The following GTF3C1 variants were observed in gnomAD, a reference collection of about 807,000 sequenced individuals.
GTF3C1 encodes the protein general transcription factor IIIC subunit 1.
GTF3C1 carries 57 observed loss-of-function variants against 226.7 expected under a neutral mutation model. The ratio of observed to expected loss-of-function variants is 0.25; its 90% CI spans 0.20 to 0.31. The LOEUF (loss-of-function observed/expected upper bound fraction) is 0.31. GTF3C1 is among the 10% of genes least tolerant of loss of function. The probability of loss-of-function intolerance (pLI) is 1.00; values close to 1 mark genes in which losing one functional copy is unlikely to be tolerated. For missense variants in GTF3C1, 2,217 were observed against 2,776.1 expected (o/e 0.80, Z 4.53); for synonymous variants, 1,090 against 1,084.8 (o/e 1.00, Z -0.09).
Position 27,549,666 on chromosome 16 carries a change from T to G in GTF3C1, c.221+4A>C. 1.9e-6 allele frequency: 2 copies of G among 1,062,900 alleles called. No homozygotes were observed. The highest frequency in any genetic ancestry group is 2.6e-6 in the Non-Finnish European group (2 of 773,550). 65.8% of individuals were successfully genotyped at this position (1,062,900 alleles called of 1,614,324 possible). A position where few individuals can be genotyped will look rare whatever the true frequency, so the allele number is the denominator to read the frequency against. ...CCGCCCGCCAGGCCAGGCCGCCCGCTGACCGGTCCTGGAGCTGTAGGTCGG... is the reference window on the plus strand; with the variant it reads ...CCGCCCGCCAGGCCAGGCCGCCCGCGGACCGGTCCTGGAGCTGTAGGTCGG... On this transcript the variant is annotated splice_donor_region_variant and intron_variant, in intron 1 of 36. Coordinates refer to ENST00000356183, the MANE Select transcript of GTF3C1 (RefSeq NM_001520.4).
intron 10 of GTF3C1, among the ~76,000 whole-genome samples, chr16:27,503,303 C>G (rs192737869): frequency 1.3e-4 from 20 of 152,330 alleles, no homozygotes; most frequent in African/African-American, 4.3e-4. Flanking sequence ...CCTCAATTCC[C>G]CCTTGGTTCT....
At chr16:27,488,450 CGA>C in intron 22 of GTF3C1, 35 bp from the exon 23 acceptor site, 1 of 1,578,190 alleles carries the variant, frequency 6.3e-7, no homozygotes, top group Non-Finnish European at 8.7e-7. Context: ...AGTTTCAGGA[CGA>C]GTGCTGCAAA....
rs114173854 is a variant in GTF3C1, at chr16:27,460,936, C to T, written c.*414G>A. The T allele has an allele frequency of 6.3e-3, 1,026 of 162,344 alleles. 13 individuals carry two copies. Among genetic ancestry groups the T allele is most frequent in the African/African-American group, 0.023 (976 of 41,948 alleles). 10.1% of individuals were successfully genotyped at this position (162,344 alleles called of 1,614,324 possible). On this transcript the variant is annotated 3_prime_UTR_variant, in exon 37 of 37. Coordinates refer to ENST00000356183, the MANE Select transcript of GTF3C1 (RefSeq NM_001520.4). ...GGGGGCCCCTCGCAGCGGGGCACAC[C>T]GATCCCTATTCTGCAAGGTGTATCC...
chr16:27,501,970 C>T (rs746398063), intron 11 of GTF3C1, among the ~76,000 whole-genome samples: 4 of 151,972 alleles, frequency 2.6e-5, no homozygotes, highest in Non-Finnish European at 4.4e-5. Context: ...AGGTGGGTGC[C>T]TGTAATCCCA....
At chr16:27,531,182 G>C (rs2088912190) in intron 5 of GTF3C1, among the ~76,000 whole-genome samples, 1 of 152,184 alleles carries the variant, frequency 6.6e-6, no homozygotes, top group Non-Finnish European at 1.5e-5. Context: ...CAGTGCATAA[G>C]GCTAAAGTTT....
chr16:27,499,188 G>C (rs988752206), intron 12 of GTF3C1, among the ~76,000 whole-genome samples: 1 of 152,214 alleles, frequency 6.6e-6, no homozygotes, highest in Admixed American at 6.5e-5. Flanking sequence ...TGGCGTCATG[G>C]GACTCCTGCC....
intron 6 of GTF3C1, among the ~76,000 whole-genome samples, chr16:27,515,211 G>A (rs920436882): frequency 1.3e-5 from 2 of 152,126 alleles, no homozygotes; most frequent in African/African-American, 4.8e-5. Flanking sequence ...TTGGGAGGCC[G>A]AGGTGGGCAG....
Position 27,497,645 on chromosome 16 carries a change from G to A in GTF3C1, c.2342C>T (p.Pro781Leu). The change falls in exon 14 of 37, where the codon CCC (proline) becomes CTC (leucine). Residue 781 changes from proline to leucine, a missense_variant. Physicochemically the swap from Pro to Leu is moderately conservative, Grantham distance 98. Transcript: ENST00000356183. ...MGITPLRNYHPIVVPGLGRSL... is the reference protein window; with the variant it reads ...MGITPLRNYHLIVVPGLGRSL... ...AAGAAGCTGCAGCTTACCTACAATGGGGTGATAATTTCTAAGCGGGGTTAT... is the reference window on the plus strand; with the variant it reads ...AAGAAGCTGCAGCTTACCTACAATGAGGTGATAATTTCTAAGCGGGGTTAT... The A allele has an allele frequency of 5.6e-6, 9 of 1,611,310 alleles. No homozygotes were observed. The highest frequency in any genetic ancestry group is 7.6e-6 in the Non-Finnish European group (9 of 1,177,918).
chr16:27,529,468 T>G (rs2088882990), intron 5 of GTF3C1, among the ~76,000 whole-genome samples: 3 of 151,652 alleles, frequency 2.0e-5, no homozygotes, highest in Admixed American at 2.0e-4. Flanking sequence ...TTGTGAAAAT[T>G]TAAATGTGGT....
chr16:27,484,161 C>T (rs199886415), intron 25 of GTF3C1, 50 bp downstream of exon 25: 66 of 1,391,490 alleles, frequency 4.7e-5, no homozygotes, highest in African/African-American at 1.1e-4. Context: ...CTTAAGCAAA[C>T]GGGATAACGT....
intron 9 of GTF3C1, 91 bp downstream of exon 9, chr16:27,506,756 C>A (rs1653047741): frequency 2.2e-6 from 2 of 889,736 alleles, no homozygotes; most frequent in Non-Finnish European, 1.7e-6. Flanking sequence ...CCAAGGGCAA[C>A]CGCAGGTGTT....
chr16:27,498,689 T>G lies in GTF3C1; in HGVS notation c.2106A>C (p.Leu702=). ...VHPSMDQNDP[L]VRSAIEQVRF... ...GGACCTGCTCGATGGCACTTCTCAC[T>G]AGAGGGTCGTTCTGGTCCATGGACG... The change falls in exon 13 of 37, where the codon CTA becomes CTC. Residue 702 remains leucine (L), a synonymous_variant. Coordinates refer to ENST00000356183, the MANE Select transcript of GTF3C1 (RefSeq NM_001520.4). 6.2e-7 allele frequency: 1 copy of G among 1,607,552 alleles called. No homozygotes were observed. Among genetic ancestry groups the G allele is most frequent in the Non-Finnish European group, 8.5e-7 (1 of 1,174,044 alleles).
chr16:27,519,591 C>T (rs2088714105), intron 6 of GTF3C1, among the ~76,000 whole-genome samples: 1 of 152,220 alleles, frequency 6.6e-6, no homozygotes, highest in African/African-American at 2.4e-5. Flanking sequence ...GTAACCGATC[C>T]TCTATTCAAA....
At chr16:27,479,145 C>T (rs943679760) in intron 27 of GTF3C1, among the ~76,000 whole-genome samples, 4 of 152,046 alleles carry the variant, frequency 2.6e-5, no homozygotes, top group Non-Finnish European at 4.4e-5. Context: ...GTTGGTGAGG[C>T]GACAGATATG....
At chr16:27,511,338 C>T (rs1029521662) in intron 7 of GTF3C1, among the ~76,000 whole-genome samples, 1 of 152,346 alleles carries the variant, frequency 6.6e-6, no homozygotes, top group African/African-American at 2.4e-5. Context: ...CTGGGACCTG[C>T]CCCCACGGCT....
intron 6 of GTF3C1, among the ~76,000 whole-genome samples, chr16:27,522,683 C>T (rs2088767541): frequency 6.6e-6 from 1 of 152,202 alleles, no homozygotes; most frequent in South Asian, 2.1e-4. Context: ...TCAGTAGATT[C>T]GTCTGGGGAG....
Position 27,470,576 on chromosome 16 carries a change from T to C in GTF3C1, c.4527-181A>G. On this transcript the variant is annotated intron_variant, in intron 30 of 36. Coordinates refer to ENST00000356183, the MANE Select transcript of GTF3C1 (RefSeq NM_001520.4). The surrounding 1 kb of genome is among the most constrained non-coding windows in gnomAD (Gnocchi z 4.9). The stretch of plus-strand genomic sequence containing the variant: ...CTGCATTCCCACCTAGCGGTGTTTG[T>C]GTCTCTCTTCCCCGCTTGCCTGAGT... 1 of 600,904 alleles carries C rather than the reference T, an allele frequency of 1.7e-6. No individual in the cohort carries two copies. The highest frequency in any genetic ancestry group is 2.0e-5 in the South Asian group (1 of 50,398). 37.2% of individuals were successfully genotyped at this position (600,904 alleles called of 1,614,324 possible).
intron 2 of GTF3C1, among the ~76,000 whole-genome samples, chr16:27,540,316 T>C (rs2089063594): frequency 6.6e-6 from 1 of 152,226 alleles, no homozygotes; most frequent in Admixed American, 6.5e-5. Context: ...AAGTCCACTT[T>C]ATATATCTGA....
intron 32 of GTF3C1, among the ~76,000 whole-genome samples, chr16:27,467,343 A>G (rs555039992): frequency 2.6e-5 from 4 of 152,336 alleles, no homozygotes; most frequent in African/African-American, 9.6e-5. Flanking sequence ...ATGACAGCAC[A>G]TCTGTTTACA....
Sources: gnomAD v4.1 joint callset for allele counts (sites outside exome capture counted in the v4.1 genomes callset) on GRCh38, gnomAD v4.1.1 for gene constraint, Gnocchi (gnomAD v3.1) non-coding constraint, MANE v1.5 for transcripts, NCBI Gene and HGNC (gene_info 2026-07-23, HGNC 2026-07-21) for gene names.